MAP3K5: variants seen among roughly 807,000 people sequenced by gnomAD.
MAP3K5 encodes ASK-1.
A neutral mutation model predicts 158.7 loss-of-function variants in MAP3K5; 56 were observed. The observed-to-expected ratio is 0.35, with a 90% CI of 0.28 to 0.44. The LOEUF is 0.44. Among genes scored for constraint, MAP3K5 ranks in the 20% least tolerant of loss-of-function variants. The pLI, the probability that MAP3K5 is intolerant of heterozygous loss-of-function variation, is 1.00. For synonymous variants in MAP3K5, 579 were observed against 601.7 expected (o/e 0.96, Z 0.55); for missense variants, 1,294 against 1,674.8 (o/e 0.77, Z 3.97).
At chr6:136,761,962 C>A (rs942901506) in intron 1 of MAP3K5, among the ~76,000 whole-genome samples, 1 of 152,150 alleles carries the variant, frequency 6.6e-6, no homozygotes, top group African/African-American at 2.4e-5. Context: ...ATTCTCCTAA[C>A]CAGACAGCAA....
intron 18 of MAP3K5, among the ~76,000 whole-genome samples, chr6:136,608,586 G>A (rs1278543963): frequency 6.6e-6 from 1 of 152,176 alleles, no homozygotes; most frequent in African/African-American, 2.4e-5. Context: ...GCCGGGGACA[G>A]GTTTGGGAGA....
intron 8 of MAP3K5, among the ~76,000 whole-genome samples, chr6:136,660,087 CTTT>C (rs1178310898): frequency 2.0e-5 from 3 of 152,196 alleles, no homozygotes; most frequent in African/African-American, 7.2e-5. Flanking sequence ...TAACCTTCTT[CTTT>C]GTCTTTTTAC....
At chr6:136,664,176 T>C (rs1298847185) in intron 8 of MAP3K5, among the ~76,000 whole-genome samples, 2 of 152,142 alleles carry the variant, frequency 1.3e-5, no homozygotes, top group African/African-American at 4.8e-5. Flanking sequence ...GCAACAGCAT[T>C]AGATTCTCAT....
At chr6:136,597,072 G>C (rs951359915) in intron 21 of MAP3K5, among the ~76,000 whole-genome samples, 1 of 152,176 alleles carries the variant, frequency 6.6e-6, no homozygotes, top group Non-Finnish European at 1.5e-5. Context: ...GGCTGACCAC[G>C]AAGAGTCTAA....
chr6:136,664,990 T>C (rs558091243), intron 8 of MAP3K5, among the ~76,000 whole-genome samples: 101 of 152,242 alleles, frequency 6.6e-4, no homozygotes, highest in Non-Finnish European at 1.3e-3. Context: ...ACAGTTATCA[T>C]AATAAAGTCC....
intron 1 of MAP3K5, among the ~76,000 whole-genome samples, chr6:136,772,003 G>A (rs1784219472): frequency 6.6e-6 from 1 of 151,310 alleles, no homozygotes; most frequent in Admixed American, 6.6e-5. Context: ...CTGCTTCCCA[G>A]GTTCAAGCGA....
chr6:136,754,378 C>T (rs927951124), intron 1 of MAP3K5, among the ~76,000 whole-genome samples: 1 of 152,000 alleles, frequency 6.6e-6, no homozygotes, highest in African/African-American at 2.4e-5. Context: ...AGGAATTCAA[C>T]ACCAGCCTGG....
In MAP3K5 at chr6:136,613,058, G is replaced by A. The variant is rs1776412053; in HGVS notation, c.2415+62C>T. The A allele has an allele frequency of 1.4e-6, 2 of 1,471,246 alleles. No individual in the cohort carries two copies. Among genetic ancestry groups the A allele is most frequent in the Admixed American group, 4.2e-5 (2 of 47,066 alleles). The allele number at this position is 1,471,246 out of a possible 1,614,324, so 91.1% of individuals were successfully genotyped here. A position where few individuals can be genotyped will look rare whatever the true frequency, so the allele number is the denominator to read the frequency against. ...ATACTCATAACACAATATGACTTTT[G>A]CAAGTAAAATAATAACCCAGCAAAG... On this transcript the variant is annotated intron_variant, in intron 17 of 29. Coordinates refer to ENST00000359015, the MANE Select transcript of MAP3K5 (RefSeq NM_005923.4). The surrounding 1 kb of genome is among the most constrained non-coding windows in gnomAD (Gnocchi z 4.0).
At chr6:136,743,910 C>T (rs775436723) in intron 1 of MAP3K5, among the ~76,000 whole-genome samples, 1 of 152,048 alleles carries the variant, frequency 6.6e-6, no homozygotes, top group South Asian at 2.1e-4. Flanking sequence ...CTTAAATGTA[C>T]ACTGTTAAGT....
intron 25 of MAP3K5, among the ~76,000 whole-genome samples, chr6:136,578,687 A>T (rs1774728487): frequency 1.3e-5 from 2 of 152,064 alleles, no homozygotes; most frequent in Admixed American, 1.3e-4. Context: ...GGATAGCAGA[A>T]CTTCTGTTTC....
chr6:136,721,222 A>AT (rs574226271), intron 1 of MAP3K5, among the ~76,000 whole-genome samples: 2 of 146,744 alleles, frequency 1.4e-5, no homozygotes, highest in African/African-American at 5.5e-5. Context: ...AAATAAGGAA[A>AT]TTAAAAAAAA....
chr6:136,744,818 T>A (rs1324765441), intron 1 of MAP3K5, among the ~76,000 whole-genome samples: 1 of 152,186 alleles, frequency 6.6e-6, no homozygotes, highest in South Asian at 2.1e-4. Context: ...CCTAATTTAC[T>A]TGGTCTGGGG....
rs114195440 is a variant in MAP3K5 at position 136,637,266 on chromosome 6, G to C, written c.2016+59C>G. ...ACACCCTGCCTCCTGCCTCAGTAAGGCTTCAAATAGTTTGTTTTAAAATGA... is the reference window on the plus strand; with the variant it reads ...ACACCCTGCCTCCTGCCTCAGTAAGCCTTCAAATAGTTTGTTTTAAAATGA... On this transcript the variant is annotated intron_variant, in intron 14 of 29. Transcript: ENST00000359015. 1.6e-3 allele frequency: 2,281 copies of C among 1,394,100 alleles called. 24 individuals carry two copies. In the African/African-American group the frequency reaches 0.029, roughly 18 times the overall value. 86.4% of individuals were successfully genotyped at this position (1,394,100 alleles called of 1,614,324 possible).
At chr6:136,658,901 C>G (rs1726409840) in intron 9 of MAP3K5, among the ~76,000 whole-genome samples, 1 of 152,162 alleles carries the variant, frequency 6.6e-6, no homozygotes, top group Non-Finnish European at 1.5e-5. Context: ...TGGTCTCAGG[C>G]CCCGAACATA....
intron 21 of MAP3K5, among the ~76,000 whole-genome samples, chr6:136,595,202 C>A (rs1437688489): frequency 6.6e-6 from 1 of 152,218 alleles, no homozygotes; most frequent in Non-Finnish European, 1.5e-5. Context: ...ACTACAACCT[C>A]CGCCTCCTAG....
At chr6:136,750,692 CTTTCG>C (rs1399067985) in intron 1 of MAP3K5, among the ~76,000 whole-genome samples, 3 of 152,202 alleles carry the variant, frequency 2.0e-5, no homozygotes, top group Non-Finnish European at 4.4e-5. Flanking sequence ...CCTAATTTAT[CTTTCG>C]TTTCAATTGG....
chr6:136,587,177 G>T (rs1284390136), intron 23 of MAP3K5, among the ~76,000 whole-genome samples: 1 of 152,110 alleles, frequency 6.6e-6, no homozygotes, highest in South Asian at 2.1e-4. Context: ...GCTTTTCATG[G>T]TTTAAGGGTT....
chr6:136,590,686 G>A (rs559422020), intron 23 of MAP3K5, among the ~76,000 whole-genome samples: 158 of 151,988 alleles, frequency 1.0e-3, no homozygotes, highest in African/African-American at 3.5e-3. Context: ...GACTACAGGC[G>A]CCCGCCATCA....
At chr6:136,563,813 TATTAAG>T (rs368650326) in intron 26 of MAP3K5, among the ~76,000 whole-genome samples, 36 of 152,370 alleles carry the variant, frequency 2.4e-4, no homozygotes, top group African/African-American at 8.2e-4. Flanking sequence ...AATATATCGT[TATTAAG>T]ATTATCAGGA....
Sources: gnomAD v4.1 joint callset for allele counts (sites outside exome capture counted in the v4.1 genomes callset) on GRCh38, gnomAD v4.1.1 for gene constraint, Gnocchi (gnomAD v3.1) non-coding constraint, MANE v1.5 for transcripts, NCBI Gene and HGNC (gene_info 2026-07-23, HGNC 2026-07-21) for gene names.